SPTLC2: variants seen among roughly 807,000 people sequenced by gnomAD.
The protein encoded by SPTLC2 is serine palmitoyltransferase 2.
Under a neutral mutation model 62.0 loss-of-function variants are expected in SPTLC2, and 21 were observed. The observed-to-expected ratio is 0.34, with a 90% CI of 0.24 to 0.49. SPTLC2 has a LOEUF of 0.49. Among genes scored for constraint, SPTLC2 ranks in the 20% least tolerant of loss-of-function variants. The pLI is 0.99. For missense variants in SPTLC2, 511 were observed against 713.0 expected (o/e 0.72, Z 3.23); for synonymous variants, 261 against 261.8 (o/e 1.00, Z 0.03).
intron 2 of SPTLC2, among the ~76,000 whole-genome samples, chr14:77,584,426 G>A (rs1031336888): frequency 2.0e-5 from 3 of 152,064 alleles, no homozygotes; most frequent in African/African-American, 7.2e-5. Flanking sequence ...TGACATACCA[G>A]GCACTTGCCA....
intron 9 of SPTLC2, among the ~76,000 whole-genome samples, chr14:77,528,691 TAC>T (rs2079421166): frequency 6.6e-6 from 1 of 152,250 alleles, no homozygotes; most frequent in African/African-American, 2.4e-5. Context: ...GGAAAAATAC[TAC>T]CCATCATCTA....
intron 9 of SPTLC2, among the ~76,000 whole-genome samples, chr14:77,542,826 C>T (rs1025869278): frequency 5.9e-5 from 9 of 152,124 alleles, no homozygotes; most frequent in Admixed American, 1.3e-4. Context: ...ATTTCAATGC[C>T]AAAAACTAGG....
At chr14:77,513,362 C>A (rs776373994) in intron 11 of SPTLC2, among the ~76,000 whole-genome samples, 1 of 152,060 alleles carries the variant, frequency 6.6e-6, no homozygotes, top group East Asian at 1.9e-4. Flanking sequence ...AGAGAGAAAA[C>A]CACCAGTATT....
rs200170207 is a variant in SPTLC2 at position 77,527,749 on chromosome 14, T to G, written c.1304-6168A>C. ...ACGCTCAAGACTGCTTTTTTTTTTG[T>G]TTTTTTGAAAGCCAGGAAAAGATCC... On this transcript the variant is annotated intron_variant, in intron 9 of 11. Transcript: ENST00000216484. Among the ~76,000 whole-genome samples the G allele has an allele frequency of 0.013, 53 of 4,188 alleles. No individual in the cohort carries two copies. The East Asian group carries it at 0.34, about 27-fold the overall frequency. 2.7% of individuals were successfully genotyped at this position (4,188 alleles called of 152,430 possible).
At chr14:77,543,963 A>T (rs964652300) in intron 9 of SPTLC2, among the ~76,000 whole-genome samples, 1 of 152,202 alleles carries the variant, frequency 6.6e-6, no homozygotes, top group Non-Finnish European at 1.5e-5. Context: ...ATCAATCAGT[A>T]GAGCTGCTTT....
chr14:77,535,683 C>G, intron 9 of SPTLC2: 1 of 250,882 alleles, frequency 4.0e-6, no homozygotes, highest in South Asian at 4.1e-5. Flanking sequence ...GAAAAGGGGT[C>G]GTGGACTCAT....
intron 11 of SPTLC2, among the ~76,000 whole-genome samples, chr14:77,514,667 C>A (rs559058633): frequency 6.6e-6 from 1 of 152,350 alleles, no homozygotes; most frequent in South Asian, 2.1e-4. Flanking sequence ...AATTCACATT[C>A]AGCAAAATTC....
chr14:77,576,430 CAT>C (rs1400629568), intron 4 of SPTLC2, among the ~76,000 whole-genome samples: 1 of 152,226 alleles, frequency 6.6e-6, no homozygotes, highest in African/African-American at 2.4e-5. Context: ...GATTAACTCT[CAT>C]ATGCCCAACA....
At chr14:77,516,009 C>CGCGCACGTGTGTGT (rs2079357350) in intron 11 of SPTLC2, among the ~76,000 whole-genome samples, 1 of 20,536 alleles carries the variant, frequency 4.9e-5, no homozygotes, top group Admixed American at 1.1e-3. Context: ...TGTGTGTGCG[C>CGCGCACGTGTGTGT]GCGCGCGCAT....
At chr14:77,550,398 A>C (rs1481222783) in intron 9 of SPTLC2, among the ~76,000 whole-genome samples, 3 of 152,206 alleles carry the variant, frequency 2.0e-5, no homozygotes, top group Non-Finnish European at 2.9e-5. Context: ...AACACGGAGA[A>C]ACCCGGTCTC....
chr14:77,537,286 T>TAAA (rs74264007), intron 9 of SPTLC2, among the ~76,000 whole-genome samples: 4 of 146,944 alleles, frequency 2.7e-5, no homozygotes, highest in Non-Finnish European at 6.0e-5. Flanking sequence ...GGGCAGAAGT[T>TAAA]AAAAAAAAAA....
At chr14:77,527,916 T>C (rs571832252) in intron 9 of SPTLC2, among the ~76,000 whole-genome samples, 1 of 152,348 alleles carries the variant, frequency 6.6e-6, no homozygotes, top group Admixed American at 6.5e-5. Context: ...TGAGCTTTTA[T>C]ACAACTTATA....
chr14:77,604,125 C>T (rs2079892236), intron 1 of SPTLC2, among the ~76,000 whole-genome samples: 1 of 152,338 alleles, frequency 6.6e-6, no homozygotes, highest in African/African-American at 2.4e-5. Flanking sequence ...CCCTGGTGGT[C>T]ACGTGTATGC....
rs572492849 is a variant in SPTLC2, at chr14:77,594,901, T to C, written c.327+2285A>G. 6.5e-4 allele frequency among the ~76,000 whole-genome samples: 99 copies of C among 152,326 alleles called. 1 individual carries two copies. The South Asian group carries it at 0.019, about 29-fold the overall frequency. On this transcript the variant is annotated intron_variant, in intron 2 of 11. Coordinates refer to ENST00000216484, the MANE Select transcript of SPTLC2 (RefSeq NM_004863.4). ...AACTTCAGCTACCATCGGTCATAAC[T>C]GCCATCAACTCAGTCTAGTAGGAGG...
chr14:77,526,194 GTATCA>G (rs1202285990), intron 9 of SPTLC2, among the ~76,000 whole-genome samples: 1 of 152,150 alleles, frequency 6.6e-6, no homozygotes, highest in Non-Finnish European at 1.5e-5. Context: ...TTTGACTTGA[GTATCA>G]TATAAAATAG....
At position 77,517,139 on chromosome 14, in the gene SPTLC2, A is replaced by G. The variant is rs1300607364; in HGVS notation, c.1569+899T>C. On this transcript the variant is annotated intron_variant, in intron 11 of 11. Coordinates refer to ENST00000216484, the MANE Select transcript of SPTLC2 (RefSeq NM_004863.4). ...CGCATGCCTGTAATCCCAGCTACTC[A>G]GGGGGCTGAGGCAGAATTGCTTGAA... is the stretch of plus-strand genomic sequence containing the variant. 2.6e-5 allele frequency among the ~76,000 whole-genome samples: 4 copies of G among 152,150 alleles called. No homozygotes were observed. The East Asian group carries it at 5.8e-4, about 22-fold the overall frequency.
At chr14:77,597,749 G>A (rs1806197232) in intron 1 of SPTLC2, among the ~76,000 whole-genome samples, 1 of 151,228 alleles carries the variant, frequency 6.6e-6, no homozygotes, top group South Asian at 2.1e-4. Flanking sequence ...ACTCCTGCCT[G>A]GGTGACAGAG....
intron 6 of SPTLC2, 100 bp downstream of exon 6, chr14:77,562,296 A>G: frequency 1.9e-6 from 2 of 1,061,182 alleles, no homozygotes; most frequent in Non-Finnish European, 2.9e-6. Context: ...CTTTGTCTTC[A>G]TTTATACTTT....
At chr14:77,515,542 C>CTTTTTTTTTT (rs71128633) in intron 11 of SPTLC2, among the ~76,000 whole-genome samples, 4 of 124,716 alleles carry the variant, frequency 3.2e-5, no homozygotes, top group South Asian at 2.4e-4. Flanking sequence ...AAGGGAAAGG[C>CTTTTTTTTTT]TTTTTTTTTT....
Sources: allele counts gnomAD v4.1 joint callset (sites outside exome capture counted in the v4.1 genomes callset), GRCh38; gene constraint gnomAD v4.1.1; transcripts MANE v1.5; gene names NCBI Gene and HGNC (gene_info 2026-07-23, HGNC 2026-07-21).